Variants in ACOT7 observed in about 807,000 individuals in gnomAD.
ACOT7 encodes the protein acyl-CoA thioesterase 7, also known as cytosolic acyl coenzyme A thioester hydrolase.
ACOT7 carries 12 observed loss-of-function variants against 40.2 expected under a neutral mutation model. The ratio of observed to expected loss-of-function variants is 0.30; its 90% CI spans 0.19 to 0.48. The LOEUF is 0.48. Among genes scored for constraint, ACOT7 ranks in the 20% least tolerant of loss-of-function variants. The probability of loss-of-function intolerance (pLI) is 0.99; values close to 1 mark genes in which losing one functional copy is unlikely to be tolerated. For missense variants in ACOT7, 395 were observed against 530.8 expected, an observed-to-expected ratio of 0.74 and a Z score of 2.51; for synonymous variants, 228 against 219.5, an observed-to-expected ratio of 1.04 and a Z score of -0.34.
At chr1:6,307,016 G>T in intron 6 of ACOT7, 2 of 1,007,804 alleles carry the variant, frequency 2.0e-6, no homozygotes, top group South Asian at 1.4e-5. Context: ...TCCTCCTATA[G>T]TCTCAGGCTA....
At chr1:6,315,201 A>C (rs1452690541) in intron 6 of ACOT7, among the ~76,000 whole-genome samples, 2 of 152,300 alleles carry the variant, frequency 1.3e-5, no homozygotes, top group African/African-American at 4.8e-5. Context: ...TGTGGAACTC[A>C]CAGAAAACGG....
chr1:6,266,269 T>A (rs538336744), intron 8 of ACOT7, among the ~76,000 whole-genome samples: 59 of 152,352 alleles, frequency 3.9e-4, no homozygotes, highest in Non-Finnish European at 5.4e-4. Context: ...GCAGCACTTC[T>A]CAGTGGGCAA....
chr1:6,333,899 C>T (rs1176904950), intron 3 of ACOT7, among the ~76,000 whole-genome samples: 3 of 152,276 alleles, frequency 2.0e-5, no homozygotes, highest in South Asian at 4.1e-4. Flanking sequence ...CCCCTCCCAA[C>T]GCACCCACTC....
At chr1:6,354,962 T>TC (rs971274332) in intron 1 of ACOT7, among the ~76,000 whole-genome samples, 3 of 151,668 alleles carry the variant, frequency 2.0e-5, no homozygotes, top group African/African-American at 7.3e-5. Context: ...ATCCATACCT[T>TC]CCAGGGCCTT....
intron 2 of ACOT7, among the ~76,000 whole-genome samples, chr1:6,346,356 CTTCCCAAAGTGCTGGGA>C (rs1641421105): frequency 1.3e-5 from 2 of 152,238 alleles, no homozygotes; most frequent in South Asian, 4.1e-4. Context: ...TCCATCTTAG[CTTCCCAAAGTGCTGGGA>C]TTCCAACATT....
intron 4 of ACOT7, among the ~76,000 whole-genome samples, chr1:6,332,378 G>A (rs1330576549): frequency 1.3e-5 from 2 of 152,174 alleles, no homozygotes; most frequent in South Asian, 2.1e-4. Context: ...AGAAGGAGGC[G>A]AGGGAGTACT....
intron 8 of ACOT7, among the ~76,000 whole-genome samples, chr1:6,270,642 T>A (rs1413635480): frequency 6.6e-6 from 1 of 152,216 alleles, no homozygotes; most frequent in Non-Finnish European, 1.5e-5. Flanking sequence ...GCCAGGTTTG[T>A]TCACCTGGAA....
At chr1:6,276,152 C>G (rs375751108) in intron 8 of ACOT7, among the ~76,000 whole-genome samples, 7 of 152,306 alleles carry the variant, frequency 4.6e-5, no homozygotes, top group African/African-American at 1.7e-4. Flanking sequence ...CCCCAACTCC[C>G]TGGGCCTGTA....
intron 1 of ACOT7, chr1:6,360,541 C>A: frequency 6.2e-7 from 1 of 1,613,770 alleles, no homozygotes; most frequent in Middle Eastern, 1.7e-4. Flanking sequence ...CCCCAAATAG[C>A]CCATAGTTCC....
At chr1:6,331,163 G>A (rs965807408) in intron 4 of ACOT7, among the ~76,000 whole-genome samples, 1 of 152,214 alleles carries the variant, frequency 6.6e-6, no homozygotes, top group African/African-American at 2.4e-5. Flanking sequence ...AAGAACAAGA[G>A]ACGGGAGAGG....
At position 6,385,390 on chromosome 1, in the gene ACOT7, A is replaced by G. The variant is rs1384482452; in HGVS notation, c.143+7867T>C. The G allele has an allele frequency of 2.2e-5, 30 of 1,386,648 alleles. No individual in the cohort carries two copies. In the Admixed American group the frequency reaches 5.6e-4, roughly 26 times the overall value. The allele number at this position is 1,386,648 out of a possible 1,614,324, so 85.9% of individuals were successfully genotyped here. A position where few individuals can be genotyped will look rare whatever the true frequency, so the allele number is the denominator to read the frequency against. ...AGCTCATCCAACACCCGACCCTACT[A>G]CCCTCCCCAAAACTCCTCCAAGTTA... On this transcript the variant is annotated intron_variant, in intron 1 of 8. Coordinates refer to ENST00000361521, the MANE Select transcript of ACOT7 (RefSeq NM_007274.4).
chr1:6,393,403 G>C lies in ACOT7; in HGVS notation c.-4C>G, dbSNP rs200882850. ...GAATGAGCCCGGGCCGCGCCATAAA[G>C]GGGGAGGGCAGAGGTGGAGCGATGG... On this transcript the variant is annotated 5_prime_UTR_variant, in exon 1 of 9. Coordinates refer to ENST00000361521, the MANE Select transcript of ACOT7 (RefSeq NM_007274.4). The C allele has an allele frequency of 3.3e-6, 4 of 1,228,566 alleles. No homozygotes were observed. Among genetic ancestry groups the C allele is most frequent in the Non-Finnish European group, 4.1e-6 (4 of 981,696 alleles). The allele number at this position is 1,228,566 out of a possible 1,614,324, so 76.1% of individuals were successfully genotyped here.
chr1:6,393,071 T>A (rs560744142), intron 1 of ACOT7, among the ~76,000 whole-genome samples, 186 bp downstream of exon 1: 1 of 150,602 alleles, frequency 6.6e-6, no homozygotes, highest in East Asian at 2.0e-4. Flanking sequence ...GCCGCCCGGC[T>A]TGTGCGGCAT....
chr1:6,345,500 T>C (rs60643598), intron 2 of ACOT7, among the ~76,000 whole-genome samples: 5,657 of 152,314 alleles, frequency 0.037, 226 homozygotes, highest in African/African-American at 0.097. Flanking sequence ...AACAGGCTGC[T>C]GCAGAGATTC....
At chr1:6,383,035 C>T (rs1409622363) in intron 1 of ACOT7, among the ~76,000 whole-genome samples, 1 of 148,040 alleles carries the variant, frequency 6.8e-6, no homozygotes, top group Non-Finnish European at 1.5e-5. Context: ...TGGGCTACCA[C>T]GCCCAGCTAT....
chr1:6,360,073 T>C (rs1641853534), intron 1 of ACOT7, among the ~76,000 whole-genome samples: 1 of 152,238 alleles, frequency 6.6e-6, no homozygotes, highest in Admixed American at 6.5e-5. Flanking sequence ...CTTTCACCTA[T>C]GTGCAAAAAT....
chr1:6,315,524 G>A (rs1167209219), intron 6 of ACOT7, among the ~76,000 whole-genome samples: 1 of 152,096 alleles, frequency 6.6e-6, no homozygotes, highest in Admixed American at 6.5e-5. Flanking sequence ...GGCCGAGGCG[G>A]GCAGATCACG....
At position 6,349,881 on chromosome 1, in the gene ACOT7, A is replaced by T. The variant is rs773892923; in HGVS notation, c.144-15T>A. The T allele has an allele frequency of 6.2e-7, 1 of 1,612,516 alleles. No individual in the cohort carries two copies. The highest frequency in any genetic ancestry group is 8.5e-7 in the Non-Finnish European group (1 of 1,178,790). On this transcript the variant is annotated splice_polypyrimidine_tract_variant and intron_variant, in intron 1 of 8. Transcript: ENST00000361521. ...GCCGCATGATCCTAGGGCAGAGGAGAAGCAGGATGAGGCCTCTGGAGAGGA... is the reference window on the plus strand; with the variant it reads ...GCCGCATGATCCTAGGGCAGAGGAGTAGCAGGATGAGGCCTCTGGAGAGGA...
At position 6,327,383 on chromosome 1, in the gene ACOT7, G is replaced by A. The variant is rs1640832756; in HGVS notation, c.541C>T (p.Arg181Trp). The change falls in exon 5 of 9, where the codon CGG (arginine) becomes TGG (tryptophan). Residue 181 changes from arginine (R) to tryptophan (W), a missense_variant. By Grantham distance (101) the Arg-to-Trp change is moderately radical. Transcript: ENST00000361521. ...YSRQEQEEEG[R>W]KRYEAQKLER... ...AGCTTCTGGGCTTCATACCGCTTCC[G>A]GCCCTCCTCCTCCTGCTCCTGCCGG... is the stretch of plus-strand genomic sequence containing the variant. 2 of 1,614,136 alleles carry A rather than the reference G, an allele frequency of 1.2e-6. No individual in the cohort carries two copies. The highest frequency in any genetic ancestry group is 1.7e-6 in the Non-Finnish European group (2 of 1,180,026).
Sources: allele counts gnomAD v4.1 joint callset (sites outside exome capture counted in the v4.1 genomes callset), GRCh38; gene constraint gnomAD v4.1.1; transcripts MANE v1.5; gene names NCBI Gene and HGNC (gene_info 2026-07-23, HGNC 2026-07-21).